The following XRCC5 variants were observed in gnomAD, a reference collection of about 807,000 sequenced individuals.
The protein encoded by XRCC5 is DNA repair protein Ku80.
In XRCC5, 12 loss-of-function variants were observed where a neutral mutation model predicts 95.7. The observed-to-expected ratio is 0.13, with a 90% CI of 0.08 to 0.20. The LOEUF is 0.20. Ranked by LOEUF, XRCC5 falls within the 10% of genes least tolerant of loss-of-function variation. The pLI is 1.00. For synonymous variants in XRCC5, 281 were observed against 290.3 expected (o/e 0.97, Z 0.33); for missense variants, 595 against 873.9 (o/e 0.68, Z 4.02).
At chr2:216,142,757 A>G (rs1488458204) in intron 13 of XRCC5, among the ~76,000 whole-genome samples, 2 of 152,164 alleles carry the variant, frequency 1.3e-5, no homozygotes, top group Non-Finnish European at 2.9e-5. Flanking sequence ...ACTTAAGTCC[A>G]TATTGGGGCT....
intron 16 of XRCC5, among the ~76,000 whole-genome samples, chr2:216,185,525 G>T (rs1183711535): frequency 1.3e-5 from 2 of 152,110 alleles, no homozygotes; most frequent in Non-Finnish European, 2.9e-5. Context: ...TTTATTTGCT[G>T]ATGGGCATTA....
chr2:216,158,493 A>G (rs1393759427), intron 14 of XRCC5, among the ~76,000 whole-genome samples: 1 of 152,178 alleles, frequency 6.6e-6, no homozygotes, highest in Non-Finnish European at 1.5e-5. Flanking sequence ...AATTGAAATG[A>G]CTGGCTCTGA....
At chr2:216,118,924 C>G in intron 4 of XRCC5, 119 bp from the exon 5 acceptor site, 9 of 1,050,846 alleles carry the variant, frequency 8.6e-6, no homozygotes. Flanking sequence ...AGAATGTAAT[C>G]ACATTTATTA....
chr2:216,188,663 ATT>A (rs1298680551), intron 16 of XRCC5, among the ~76,000 whole-genome samples: 4 of 152,108 alleles, frequency 2.6e-5, no homozygotes, highest in Non-Finnish European at 5.9e-5. Flanking sequence ...GTTATCAAAC[ATT>A]TCTGTTACTT....
intron 19 of XRCC5, 130 bp downstream of exon 19, chr2:216,195,116 T>C (rs1360524732): frequency 1.3e-6 from 1 of 793,552 alleles, no homozygotes; most frequent in Admixed American, 2.4e-5. Flanking sequence ...ATATGTAAAT[T>C]GCTTCAACCA....
At chr2:216,175,344 C>G (rs1479729208) in intron 16 of XRCC5, 2 of 468,146 alleles carry the variant, frequency 4.3e-6, no homozygotes, top group Admixed American at 4.9e-5. Flanking sequence ...AAATTACTTG[C>G]ACCACTTCCA....
intron 12 of XRCC5, among the ~76,000 whole-genome samples, chr2:216,138,835 G>A (rs1458824695): frequency 1.3e-5 from 2 of 152,190 alleles, no homozygotes; most frequent in African/African-American, 4.8e-5. Flanking sequence ...AACAAATGAT[G>A]AGTAGATGTT....
In XRCC5 at chr2:216,187,821, ACTCTCTCTCTCTCTCT is replaced by A. The variant is rs371097633; in HGVS notation, c.1835-2378_1835-2363del. ...CACACACACACACACACACACACACACTCTCTCTCTCTCTCTCTCTCTCTCTCTCTCTCTCTCTCTC... is the reference window on the plus strand; with the variant it reads ...CACACACACACACACACACACACACACTCTCTCTCTCTCTCTCTCTCTCTC... On this transcript the variant is annotated intron_variant, in intron 16 of 20. Coordinates refer to ENST00000392132, the MANE Select transcript of XRCC5 (RefSeq NM_021141.4). Among the ~76,000 whole-genome samples, 10 of 47,970 alleles carry A rather than the reference ACTCTCTCTCTCTCTCT, an allele frequency of 2.1e-4. No individual in the cohort carries two copies. The South Asian group carries it at 5.2e-3, about 25-fold the overall frequency. 31.5% of individuals were successfully genotyped at this position (47,970 alleles called of 152,430 possible).
rs190592988 is a variant in XRCC5, at chr2:216,192,742, T to C, written c.2041+7T>C. The C allele has an allele frequency of 1.9e-5, 29 of 1,557,406 alleles. No homozygotes were observed. Among genetic ancestry groups the C allele is most frequent in the Non-Finnish European group, 2.5e-5 (29 of 1,154,800 alleles). On this transcript the variant is annotated splice_region_variant and intron_variant, in intron 18 of 20. Transcript: ENST00000392132. The stretch of plus-strand genomic sequence containing the variant: ...TGGGAAATTGTTGTCCAGGGTAAGT[T>C]GTCATTTGCCTTTTTTTTTAAAAAG...
intron 19 of XRCC5, among the ~76,000 whole-genome samples, chr2:216,196,269 G>C (rs1689718564): frequency 6.6e-6 from 1 of 151,732 alleles, no homozygotes; most frequent in South Asian, 2.1e-4. Context: ...TAGAATCCTG[G>C]AATTTTTGAA....
chr2:216,200,496 T>C (rs544540263), intron 19 of XRCC5, among the ~76,000 whole-genome samples: 1 of 152,344 alleles, frequency 6.6e-6, no homozygotes, highest in East Asian at 1.9e-4. Flanking sequence ...TATTTAAGGC[T>C]TGATACATTT....
chr2:216,166,067 C>T (rs1426751873), intron 16 of XRCC5, among the ~76,000 whole-genome samples: 4 of 152,180 alleles, frequency 2.6e-5, no homozygotes, highest in Non-Finnish European at 5.9e-5. Context: ...TTCCTCCATT[C>T]TCCCTACCCA....
At chr2:216,201,004 A>G (rs1453777939) in intron 19 of XRCC5, among the ~76,000 whole-genome samples, 1 of 152,318 alleles carries the variant, frequency 6.6e-6, no homozygotes, top group East Asian at 1.9e-4. Context: ...GAATTTTTTC[A>G]TACTTTAGTT....
Position 216,192,520 on chromosome 2 carries a change from C to T in XRCC5, c.1945-119C>T, listed in dbSNP as rs557644111. 1.3e-5 allele frequency: 7 copies of T among 556,864 alleles called. No individual in the cohort carries two copies. In the South Asian group the frequency reaches 2.4e-4, roughly 19 times the overall value. 34.5% of individuals were successfully genotyped at this position (556,864 alleles called of 1,614,324 possible). A position where few individuals can be genotyped will look rare whatever the true frequency, so the allele number is the denominator to read the frequency against. On this transcript the variant is annotated intron_variant, in intron 17 of 20. Coordinates refer to ENST00000392132, the MANE Select transcript of XRCC5 (RefSeq NM_021141.4). ...CAGCTTCCCATGTACCAAAGAAGAA[C>T]ATTTTATTTTTTTGTAATAAATAAG...
chr2:216,163,358 C>G (rs1688989346), intron 16 of XRCC5, among the ~76,000 whole-genome samples: 1 of 152,074 alleles, frequency 6.6e-6, no homozygotes, highest in East Asian at 1.9e-4. Context: ...CTCTGTTGCC[C>G]AGGCTGGAGT....
At chr2:216,173,790 T>C (rs1689217161) in intron 16 of XRCC5, among the ~76,000 whole-genome samples, 1 of 152,194 alleles carries the variant, frequency 6.6e-6, no homozygotes, top group South Asian at 2.1e-4. Context: ...TGATTTCTTC[T>C]CTGTCTCTGG....
At chr2:216,125,059 A>G (rs1696880615) in intron 6 of XRCC5, among the ~76,000 whole-genome samples, 1 of 152,208 alleles carries the variant, frequency 6.6e-6, no homozygotes, top group Admixed American at 6.5e-5. Flanking sequence ...AACTCTCACT[A>G]TTATATACAT....
rs562414893 is a variant in XRCC5, at chr2:216,130,861, C to T, written c.938-14C>T. 1.3e-6 allele frequency: 2 copies of T among 1,581,644 alleles called. No individual in the cohort carries two copies. Among genetic ancestry groups the T allele is most frequent in the East Asian group, 2.2e-5 (1 of 44,614 alleles). ...CCCCATATGCTTAACAGATGCTCTT[C>T]TCTTTTTCTCCAGGGTTCCGCTATG... On this transcript the variant is annotated splice_polypyrimidine_tract_variant and intron_variant, in intron 8 of 20. Transcript: ENST00000392132.
intron 14 of XRCC5, among the ~76,000 whole-genome samples, chr2:216,157,665 A>T (rs915667188): frequency 6.6e-6 from 1 of 152,234 alleles, no homozygotes; most frequent in African/African-American, 2.4e-5. Flanking sequence ...TTGAGAGTTT[A>T]GAGTCTAGCT....
Sources: allele counts gnomAD v4.1 joint callset (sites outside exome capture counted in the v4.1 genomes callset), GRCh38; gene constraint gnomAD v4.1.1; transcripts MANE v1.5; gene names NCBI Gene and HGNC (gene_info 2026-07-23, HGNC 2026-07-21).